Variants in NF1 observed in about 807,000 individuals in gnomAD.
The protein encoded by NF1 is neurofibromin.
A neutral mutation model predicts 325.7 loss-of-function variants in NF1; 122 were observed. The ratio of observed to expected loss-of-function variants is 0.37; its 90% confidence interval spans 0.32 to 0.44. The LOEUF (loss-of-function observed/expected upper bound fraction) is 0.44. Among genes scored for constraint, NF1 ranks in the 20% least tolerant of loss-of-function variants. NF1 has a pLI of 1.00. For synonymous variants in NF1, 1,091 were observed against 1,186.0 expected, an observed-to-expected ratio of 0.92 and a Z score of 1.65; for missense variants, 2,140 against 3,415.4, an observed-to-expected ratio of 0.63 and a Z score of 9.31.
rs17879572 is a variant in NF1, at chr17:31,355,489, C to G, written c.7616-971C>G. 9.1e-3 allele frequency among the ~76,000 whole-genome samples: 1,388 copies of G among 151,982 alleles called. 21 individuals are homozygous for G. The highest frequency in any genetic ancestry group is 0.032 in the African/African-American group (1,329 of 41,418). ...TTATTCATATTCTTGAGGTAATAGA[C>G]TTTGTATTTCTCAAGTGTTAAATTG... On this transcript the variant is annotated intron_variant, in intron 51 of 57. Transcript: ENST00000358273.
chr17:31,221,439 TTAAAAGA>T (rs768028529), intron 14 of NF1, among the ~76,000 whole-genome samples: 15 of 152,172 alleles, frequency 9.9e-5, no homozygotes, highest in Non-Finnish European at 1.8e-4. Context: ...AAGTAAAAAC[TTAAAAGA>T]TAAGTAAATC....
At chr17:31,208,006 A>G (rs1320156197) in intron 12 of NF1, among the ~76,000 whole-genome samples, 3 of 152,158 alleles carry the variant, frequency 2.0e-5, no homozygotes, top group Admixed American at 2.0e-4. Flanking sequence ...CTAAATGATT[A>G]TTTTGAACAG....
intron 29 of NF1, among the ~76,000 whole-genome samples, chr17:31,239,737 G>T (rs370041044): frequency 6.6e-6 from 1 of 151,998 alleles, no homozygotes. Context: ...GGTAAATGGG[G>T]TGTCCATCAC....
chr17:31,103,483 G>A (rs1912554275), intron 1 of NF1, among the ~76,000 whole-genome samples: 1 of 151,444 alleles, frequency 6.6e-6, no homozygotes, highest in Admixed American at 6.6e-5. Flanking sequence ...GACCTGAGGT[G>A]ATCCGCCCGC....
intron 4 of NF1, among the ~76,000 whole-genome samples, chr17:31,167,215 G>A (rs150327081): frequency 2.6e-5 from 4 of 152,224 alleles, no homozygotes; most frequent in Non-Finnish European, 4.4e-5. Flanking sequence ...CTGAGGAGCC[G>A]TACTCCATAT....
intron 5 of NF1, among the ~76,000 whole-genome samples, chr17:31,174,442 G>T (rs927461588): frequency 5.9e-5 from 9 of 152,272 alleles, no homozygotes; most frequent in Admixed American, 2.0e-4. Flanking sequence ...TCATCTCTTT[G>T]ACTGGACACT....
intron 1 of NF1, among the ~76,000 whole-genome samples, chr17:31,121,319 C>G (rs1914408492): frequency 6.6e-6 from 1 of 151,488 alleles, no homozygotes; most frequent in Admixed American, 6.6e-5. Flanking sequence ...TCTTCAAGAT[C>G]ATGGAAGATT....
Position 31,101,714 on chromosome 17 carries a change from A to AT in NF1, c.60+6357dup, listed in dbSNP as rs939126536. ...TCCTTCAATGTTCAGCTCAGATTTC[A>AT]TTTTTTTTTTTTCCCCATGAGGTTG... On this transcript the variant is annotated intron_variant, in intron 1 of 57. Transcript: ENST00000358273. Among the ~76,000 whole-genome samples, 1,275 of 141,348 alleles carry AT rather than the reference A, an allele frequency of 9.0e-3. 14 individuals carry two copies. The highest frequency in any genetic ancestry group is 0.027 in the African/African-American group (1,055 of 38,646). 92.7% of individuals were successfully genotyped at this position (141,348 alleles called of 152,430 possible). A position where few individuals can be genotyped will look rare whatever the true frequency, so the allele number is the denominator to read the frequency against.
intron 8 of NF1, 117 bp from the exon 9 acceptor site, chr17:31,200,305 A>G: frequency 1.2e-6 from 1 of 852,936 alleles, no homozygotes; most frequent in South Asian, 1.6e-5. Flanking sequence ...CACAAATATA[A>G]ATTATGCATT....
intron 51 of NF1, 91 bp downstream of exon 51, chr17:31,352,505 T>G (rs1567625254): frequency 3.1e-6 from 4 of 1,307,346 alleles, no homozygotes; most frequent in Middle Eastern, 2.7e-4. Context: ...TTCAGGATTA[T>G]CAAAATTTTC....
rs144744787 is a variant in NF1 at position 31,274,874 on chromosome 17, T to A, written c.4835+9535T>A. ...ATGCTTCAAACACCTCAGTCTCAAC[T>A]TGTTTAAAATTCAGAAGTTAGTGTT... is the stretch of plus-strand genomic sequence containing the variant. On this transcript the variant is annotated intron_variant, in intron 36 of 57. Transcript: ENST00000358273. Among the ~76,000 whole-genome samples the A allele has an allele frequency of 3.9e-3, 594 of 152,324 alleles. 6 individuals carry two copies. Among genetic ancestry groups the A allele is most frequent in the African/African-American group, 0.014 (565 of 41,578 alleles).
chr17:31,107,307 G>A (rs1912944764), intron 1 of NF1, among the ~76,000 whole-genome samples: 1 of 152,120 alleles, frequency 6.6e-6, no homozygotes, highest in African/African-American at 2.4e-5. Flanking sequence ...CTGGAGTAGG[G>A]AATGACAGTG....
At chr17:31,168,988 C>T (rs766657097) in intron 4 of NF1, among the ~76,000 whole-genome samples, 1 of 152,172 alleles carries the variant, frequency 6.6e-6, no homozygotes, top group East Asian at 1.9e-4. Flanking sequence ...AGGATACAGA[C>T]TTGACTTCCA....
intron 1 of NF1, among the ~76,000 whole-genome samples, chr17:31,118,351 T>C (rs1048309345): frequency 6.6e-6 from 1 of 152,048 alleles, no homozygotes; most frequent in Admixed American, 6.6e-5. Flanking sequence ...TGCAGGTTTG[T>C]TACATAGCTA....
chr17:31,357,473 G>A, intron 54 of NF1, 104 bp downstream of exon 54: 2 of 876,768 alleles, frequency 2.3e-6, no homozygotes, highest in South Asian at 1.4e-5. Context: ...ATGAGATATT[G>A]TGATAGTGAT....
intron 1 of NF1, among the ~76,000 whole-genome samples, chr17:31,127,950 T>TACA (rs201097271): frequency 0.014 from 2,145 of 152,166 alleles, 28 homozygotes; most frequent in Admixed American, 0.024. Context: ...ACCTCTTCTG[T>TACA]ACCTTGCACT....
intron 54 of NF1, chr17:31,358,130 A>G (rs1792673717): frequency 2.8e-6 from 1 of 352,132 alleles, no homozygotes; most frequent in Non-Finnish European, 5.4e-6. Flanking sequence ...ATGTCAGTAT[A>G]CAACAGATGG....
intron 36 of NF1, among the ~76,000 whole-genome samples, chr17:31,322,442 G>T (rs187611767): frequency 1.4e-3 from 178 of 129,522 alleles, no homozygotes; most frequent in African/African-American, 4.8e-3. Context: ...GATCTTGGCT[G>T]CATGAGCTAA....
rs934131589 is a variant in NF1 at position 31,375,953 on chromosome 17, T to C, written c.*1798T>C. On this transcript the variant is annotated 3_prime_UTR_variant, in exon 58 of 58. Transcript: ENST00000358273. ...GAGTTTACCATAGAATTGTTGGAAATACTGAAGACAGGTGCAATTTACTAA... is the reference window on the plus strand; with the variant it reads ...GAGTTTACCATAGAATTGTTGGAAACACTGAAGACAGGTGCAATTTACTAA... The C allele has an allele frequency of 2.1e-5, 5 of 233,040 alleles. No homozygotes were observed. The Admixed American group carries it at 2.8e-4, about 13-fold the overall frequency. The allele number at this position is 233,040 out of a possible 1,614,324, so 14.4% of individuals were successfully genotyped here. A position where few individuals can be genotyped will look rare whatever the true frequency, so the allele number is the denominator to read the frequency against.
Sources: allele counts gnomAD v4.1 joint callset (sites outside exome capture counted in the v4.1 genomes callset), GRCh38; gene constraint gnomAD v4.1.1; transcripts MANE v1.5; gene names NCBI Gene and HGNC (gene_info 2026-07-23, HGNC 2026-07-21).